The following MSH3 variants were observed in gnomAD, a reference collection of about 807,000 sequenced individuals.
The protein encoded by MSH3 is DNA mismatch repair protein Msh3.
Under a neutral mutation model 123.3 loss-of-function variants are expected in MSH3, and 106 were observed. The observed-to-expected ratio is 0.86, with a 90% CI of 0.73 to 1.01. The LOEUF is 1.01. MSH3 is among the 50% of genes least tolerant of loss of function. The pLI, the probability that MSH3 is intolerant of heterozygous loss-of-function variation, is 0.00. For synonymous variants in MSH3, 515 were observed against 481.4 expected (o/e 1.07, Z -0.91); for missense variants, 1,459 against 1,347.6 (o/e 1.08, Z -1.29).
intron 4 of MSH3, 21 bp downstream of exon 4, chr5:80,670,330 C>G: frequency 6.2e-7 from 1 of 1,605,118 alleles, no homozygotes; most frequent in Non-Finnish European, 8.5e-7. Context: ...TTTTCAGGCA[C>G]TATTTTATAT....
chr5:80,672,916 T>TTTTG (rs367818642), intron 6 of MSH3, 58 bp downstream of exon 6: 103 of 1,350,416 alleles, frequency 7.6e-5, no homozygotes, highest in Admixed American at 3.4e-4. Flanking sequence ...TGTTGGCAGG[T>TTTTG]TTTGTTTGTT....
At chr5:80,809,192 G>A (rs901214156) in intron 19 of MSH3, among the ~76,000 whole-genome samples, 11 of 151,884 alleles carry the variant, frequency 7.2e-5, no homozygotes, top group South Asian at 2.1e-4. Flanking sequence ...CAAAATGCAC[G>A]TAAGGCTAGG....
At chr5:80,736,302 A>G (rs761819485) in intron 10 of MSH3, among the ~76,000 whole-genome samples, 3 of 151,064 alleles carry the variant, frequency 2.0e-5, no homozygotes, top group Non-Finnish European at 2.9e-5. Flanking sequence ...ATGATACTAG[A>G]TGTGAAAGAA....
At chr5:80,777,641 A>G (rs1744328750) in intron 16 of MSH3, among the ~76,000 whole-genome samples, 1 of 152,218 alleles carries the variant, frequency 6.6e-6, no homozygotes, top group African/African-American at 2.4e-5. Context: ...ATAGTTAGGG[A>G]AAGGTTCATT....
chr5:80,744,219 T>C (rs576045012), intron 11 of MSH3, among the ~76,000 whole-genome samples: 1 of 152,214 alleles, frequency 6.6e-6, no homozygotes, highest in Non-Finnish European at 1.5e-5. Flanking sequence ...TAGGAAAGTA[T>C]GCAATTATAT....
intron 21 of MSH3, among the ~76,000 whole-genome samples, chr5:80,859,172 G>A (rs1223784942): frequency 2.6e-5 from 4 of 152,076 alleles, no homozygotes; most frequent in Non-Finnish European, 5.9e-5. Flanking sequence ...CCAGGCTGGA[G>A]TGCAGTGGTA....
Position 80,656,514 on chromosome 5 carries a change from G to C in MSH3, c.341G>C (p.Gly114Ala). The C allele has an allele frequency of 6.2e-7, 1 of 1,614,204 alleles. No individual in the cohort carries two copies. The highest frequency in any genetic ancestry group is 8.5e-7 in the Non-Finnish European group (1 of 1,180,024). ...VQQKEGGSDL[G>A]MSGNSEPKKC... Reference sequence around the variant, plus strand: ...CAAAAGGAAGGAGGAAGTGATCTGGGAATGTCTGGCAACTCTGGTGAGTTG... The same window carrying C: ...CAAAAGGAAGGAGGAAGTGATCTGGCAATGTCTGGCAACTCTGGTGAGTTG... Residue 114 changes from glycine (G) to alanine (A), a missense_variant, in exon 2 of 24, where the codon GGA (glycine) becomes GCA (alanine). By Grantham distance (60) the Gly-to-Ala change is moderately conservative. Coordinates refer to ENST00000265081, the MANE Select transcript of MSH3 (RefSeq NM_002439.5).
In MSH3 at chr5:80,799,923, C is replaced by T. The variant is rs183649932; in HGVS notation, c.2655+7079C>T. Among the ~76,000 whole-genome samples, 9 of 152,242 alleles carry T rather than the reference C, an allele frequency of 5.9e-5. No homozygotes were observed. The East Asian group carries it at 1.7e-3, about 29-fold the overall frequency. ...TACATAGAAAATCATTAGCACAGTG[C>T]CTGGCACTTGTTATCTGTGATTTTC... On this transcript the variant is annotated intron_variant, in intron 19 of 23. Coordinates refer to ENST00000265081, the MANE Select transcript of MSH3 (RefSeq NM_002439.5).
chr5:80,788,740 C>T (rs1473075224), intron 18 of MSH3, among the ~76,000 whole-genome samples: 1 of 149,356 alleles, frequency 6.7e-6, no homozygotes, highest in Non-Finnish European at 1.5e-5. Context: ...AAGTTTGAGG[C>T]TGCAGTGAGC....
At chr5:80,690,195 AG>A (rs1175433853) in intron 8 of MSH3, among the ~76,000 whole-genome samples, 1 of 152,094 alleles carries the variant, frequency 6.6e-6, no homozygotes, top group East Asian at 1.9e-4. Context: ...TTGGAATTAT[AG>A]GCATGAGCGA....
chr5:80,725,561 C>A lies in MSH3; in HGVS notation c.1449C>A (p.Ile483=). 1 of 1,606,804 alleles carries A rather than the reference C, an allele frequency of 6.2e-7. No individual in the cohort carries two copies. Among genetic ancestry groups the A allele is most frequent in the Non-Finnish European group, 8.5e-7 (1 of 1,173,466 alleles). Residue 483 remains isoleucine, a synonymous_variant, in exon 9 of 24, where the codon ATC becomes ATA. Transcript: ENST00000265081. ...TTTATGCAAAAGATACAGTTGACAT[C>A]AAAGGTAAATATTTTCCCTGTATGT... ...TEFYAKDTVD[I]KGSQIISGIV...
chr5:80,703,804 GTTTT>G (rs553533708), intron 8 of MSH3, among the ~76,000 whole-genome samples: 1,713 of 149,188 alleles, frequency 0.011, 21 homozygotes, highest in South Asian at 0.039. Flanking sequence ...CATATAAAGA[GTTTT>G]TTTTTTAATT....
At chr5:80,697,625 A>G (rs1750511067) in intron 8 of MSH3, among the ~76,000 whole-genome samples, 1 of 152,220 alleles carries the variant, frequency 6.6e-6, no homozygotes, top group South Asian at 2.1e-4. Flanking sequence ...GCAATTGTAA[A>G]GGCAATGTGT....
intron 18 of MSH3, among the ~76,000 whole-genome samples, chr5:80,788,122 T>C (rs557512143): frequency 1.3e-5 from 2 of 152,324 alleles, no homozygotes; most frequent in South Asian, 4.1e-4. Context: ...TAAAGGATGT[T>C]AGCACAAACA....
At chr5:80,671,176 C>A (rs766718227) in intron 4 of MSH3, among the ~76,000 whole-genome samples, 1 of 151,806 alleles carries the variant, frequency 6.6e-6, no homozygotes, top group Non-Finnish European at 1.5e-5. Flanking sequence ...TATTATAGGC[C>A]CTAGTCAAGA....
chr5:80,719,075 G>A (rs1168832598), intron 8 of MSH3, among the ~76,000 whole-genome samples: 1 of 149,638 alleles, frequency 6.7e-6, no homozygotes, highest in Non-Finnish European at 1.5e-5. Flanking sequence ...CTGAGACGGA[G>A]TCTTACTCTG....
intron 3 of MSH3, among the ~76,000 whole-genome samples, chr5:80,669,260 T>A (rs1749640921): frequency 6.6e-6 from 1 of 152,316 alleles, no homozygotes; most frequent in Non-Finnish European, 1.5e-5. Flanking sequence ...ATTTTGCTTC[T>A]CTCTCACTCT....
At chr5:80,742,802 A>G (rs1743640564) in intron 11 of MSH3, among the ~76,000 whole-genome samples, 1 of 152,162 alleles carries the variant, frequency 6.6e-6, no homozygotes, top group Non-Finnish European at 1.5e-5. Flanking sequence ...GAATAAAGAG[A>G]CATTTCTCGG....
rs143518246 is a variant in MSH3 at position 80,700,714 on chromosome 5, A to G, written c.1340+21621A>G. ...CATTTGCCATGAGTTTATTTAAAGA[A>G]TGAGAGCTTCTTTGTGCATTTTCAT... is the stretch of plus-strand genomic sequence containing the variant. On this transcript the variant is annotated intron_variant, in intron 8 of 23. Coordinates refer to ENST00000265081, the MANE Select transcript of MSH3 (RefSeq NM_002439.5). Among the ~76,000 whole-genome samples the G allele has an allele frequency of 3.0e-4, 45 of 152,326 alleles. 1 individual carries two copies. In the East Asian group the frequency reaches 7.3e-3, roughly 25 times the overall value.
Sources: allele counts gnomAD v4.1 joint callset (sites outside exome capture counted in the v4.1 genomes callset), GRCh38; gene constraint gnomAD v4.1.1; transcripts MANE v1.5; gene names NCBI Gene and HGNC (gene_info 2026-07-23, HGNC 2026-07-21).